The following RAB22A variants were observed in gnomAD, a reference collection of about 807,000 sequenced individuals.
RAB22A encodes ras-related protein Rab-22A.
RAB22A carries 13 observed loss-of-function variants against 30.2 expected under a neutral mutation model. That is an observed-to-expected ratio of 0.43 (90% CI 0.28 to 0.68). The LOEUF (loss-of-function observed/expected upper bound fraction) is 0.68, where lower values mean the gene tolerates loss of function less well. Among genes scored for constraint, RAB22A ranks in the 30% least tolerant of loss-of-function variants. The pLI, the probability that RAB22A is intolerant of heterozygous loss-of-function variation, is 0.18. For missense variants in RAB22A, 177 were observed against 246.8 expected (o/e 0.72, Z 1.89); for synonymous variants, 89 against 87.2 (o/e 1.02, Z -0.11).
At chr20:58,330,528 T>TA (rs1439557791) in intron 2 of RAB22A, among the ~76,000 whole-genome samples, 1 of 152,190 alleles carries the variant, frequency 6.6e-6, no homozygotes, top group African/African-American at 2.4e-5. Flanking sequence ...CTGCAGAAGA[T>TA]ACGCTGCAAA....
intron 6 of RAB22A, among the ~76,000 whole-genome samples, chr20:58,356,601 G>A (rs543782625): frequency 1.4e-4 from 22 of 152,264 alleles, no homozygotes; most frequent in African/African-American, 3.6e-4. Flanking sequence ...AATATACTCC[G>A]GTGCTTGGCA....
chr20:58,319,294 G>A (rs1986405436), intron 2 of RAB22A, among the ~76,000 whole-genome samples: 1 of 152,138 alleles, frequency 6.6e-6, no homozygotes, highest in South Asian at 2.1e-4. Flanking sequence ...AGCTGGAGTT[G>A]ATCAAAATTA....
chr20:58,331,619 A>G (rs921996387), intron 2 of RAB22A, among the ~76,000 whole-genome samples: 3 of 151,654 alleles, frequency 2.0e-5, no homozygotes, highest in African/African-American at 7.3e-5. Context: ...TTCGCTTTTT[A>G]TTGTATTTGC....
At chr20:58,351,108 G>A (rs571790598) in intron 3 of RAB22A, among the ~76,000 whole-genome samples, 23 of 152,202 alleles carry the variant, frequency 1.5e-4, no homozygotes, top group African/African-American at 4.8e-4. Context: ...GAAAGGCCAC[G>A]ACAGGTAGAT....
chr20:58,331,762 T>C (rs1986664277), intron 2 of RAB22A, among the ~76,000 whole-genome samples: 1 of 152,140 alleles, frequency 6.6e-6, no homozygotes, highest in African/African-American at 2.4e-5. Flanking sequence ...TGTCCACCCC[T>C]AAAATGTCAC....
At chr20:58,321,561 C>G (rs1185152579) in intron 2 of RAB22A, among the ~76,000 whole-genome samples, 1 of 152,156 alleles carries the variant, frequency 6.6e-6, no homozygotes, top group East Asian at 1.9e-4. Flanking sequence ...TAGCACTGCT[C>G]CTATCTCCAG....
chr20:58,353,408 T>C, intron 4 of RAB22A, 24 bp from the exon 5 acceptor site: 1 of 1,608,590 alleles, frequency 6.2e-7, no homozygotes, highest in Non-Finnish European at 8.5e-7. Flanking sequence ...GATCTCCAGT[T>C]GCTCTCTTTT....
intron 2 of RAB22A, among the ~76,000 whole-genome samples, chr20:58,312,208 A>G (rs1047804699): frequency 6.7e-6 from 1 of 150,266 alleles, no homozygotes; most frequent in Non-Finnish European, 1.5e-5. Context: ...GCCCACCTCA[A>G]CCTCTCAAAG....
intron 2 of RAB22A, among the ~76,000 whole-genome samples, chr20:58,316,920 C>G: frequency 6.6e-6 from 1 of 152,296 alleles, no homozygotes; most frequent in East Asian, 1.9e-4. Flanking sequence ...CTCCCCTCAG[C>G]CAGTGGTAAG....
rs1987334136 is a variant in RAB22A at position 58,367,164 on chromosome 20, G to C, written c.*7461G>C. On this transcript the variant is annotated 3_prime_UTR_variant, in exon 7 of 7. Transcript: ENST00000244040. ...GTTACCTGTCATGGAATGCTGCAGT[G>C]GTGGTTTGCCAAGCTTCTGTGGATG... The C allele has an allele frequency of 6.6e-6, 1 of 152,540 alleles. No individual in the cohort carries two copies. The highest frequency in any genetic ancestry group is 2.1e-4 in the South Asian group (1 of 4,828). 9.4% of individuals were successfully genotyped at this position (152,540 alleles called of 1,614,324 possible).
chr20:58,313,107 T>C (rs2122920208), intron 2 of RAB22A, among the ~76,000 whole-genome samples: 1 of 152,124 alleles, frequency 6.6e-6, no homozygotes, highest in South Asian at 2.1e-4. Flanking sequence ...CTCTCTCAAA[T>C]AAGAAGAGAG....
intron 3 of RAB22A, chr20:58,345,367 G>A (rs939560563): frequency 6.6e-6 from 1 of 152,106 alleles, no homozygotes; most frequent in Non-Finnish European, 1.5e-5. Context: ...GCAGAAGTCT[G>A]TGAAGTTTTG....
At chr20:58,333,634 A>G (rs1057415502) in intron 2 of RAB22A, among the ~76,000 whole-genome samples, 30 of 152,330 alleles carry the variant, frequency 2.0e-4, no homozygotes, top group African/African-American at 7.2e-4. Flanking sequence ...AGAGTCTTAC[A>G]TTGTTCATGA....
At position 58,353,257 on chromosome 20, in the gene RAB22A, TC is replaced by T; in HGVS notation, c.199-11del. ...CAGTTTTCCCAATTTTGTTTATTTT[TC>T]CCCCTCCTCTGCAGTTTCGTGCCTT... On this transcript the variant is annotated splice_polypyrimidine_tract_variant and intron_variant, in intron 3 of 6. Transcript: ENST00000244040. 6.2e-7 allele frequency: 1 copy of T among 1,610,454 alleles called. No individual in the cohort carries two copies. The highest frequency in any genetic ancestry group is 1.1e-5 in the South Asian group (1 of 90,072).
rs1987219545 is a variant in RAB22A, at chr20:58,361,206, T to A, written c.*1503T>A. ...TGTAGGGGAAGGAAATTTACAAGAT[T>A]TAATAGGAAATGAAACAGCTTGAAT... is the stretch of plus-strand genomic sequence containing the variant. On this transcript the variant is annotated 3_prime_UTR_variant, in exon 7 of 7. Transcript: ENST00000244040. 1 of 152,612 alleles carries A rather than the reference T, an allele frequency of 6.6e-6. No individual in the cohort carries two copies. Among genetic ancestry groups the A allele is most frequent in the African/African-American group, 2.4e-5 (1 of 41,426 alleles). The allele number at this position is 152,612 out of a possible 1,614,324, so 9.5% of individuals were successfully genotyped here.
intron 3 of RAB22A, among the ~76,000 whole-genome samples, chr20:58,350,231 G>C (rs576794436): frequency 6.6e-6 from 1 of 152,274 alleles, no homozygotes; most frequent in East Asian, 1.9e-4. Context: ...ACTCACTGGA[G>C]GGTGATAGAA....
chr20:58,357,788 T>C (rs1987156555), intron 6 of RAB22A, among the ~76,000 whole-genome samples: 1 of 152,202 alleles, frequency 6.6e-6, no homozygotes, highest in African/African-American at 2.4e-5. Context: ...GTAGAAACCA[T>C]GCTGTGTACT....
At chr20:58,333,969 G>A (rs1986702402) in intron 2 of RAB22A, among the ~76,000 whole-genome samples, 1 of 152,070 alleles carries the variant, frequency 6.6e-6, no homozygotes, top group South Asian at 2.1e-4. Flanking sequence ...GAGGTGGGAG[G>A]ATTGCTTGAG....
At chr20:58,339,534 G>A (rs922996149) in intron 2 of RAB22A, among the ~76,000 whole-genome samples, 6 of 152,162 alleles carry the variant, frequency 3.9e-5, no homozygotes, top group Non-Finnish European at 5.9e-5. Context: ...GAAGATTAGG[G>A]TCCAATTTAT....
Sources: gnomAD v4.1 joint callset for allele counts (sites outside exome capture counted in the v4.1 genomes callset) on GRCh38, gnomAD v4.1.1 for gene constraint, MANE v1.5 for transcripts, NCBI Gene and HGNC (gene_info 2026-07-23, HGNC 2026-07-21) for gene names.